Variants in ZMAT3 observed in about 807,000 individuals in gnomAD.
ZMAT3 encodes the protein zinc finger matrin-type 3, also known as zinc finger matrin-type protein 3.
Under a neutral mutation model 32.3 loss-of-function variants are expected in ZMAT3, and 17 were observed. That is an observed-to-expected ratio of 0.53 (90% confidence interval 0.36 to 0.79). ZMAT3 has a LOEUF of 0.79. ZMAT3 is among the 30% of genes least tolerant of loss of function. ZMAT3 has a pLI of 0.00. For synonymous variants in ZMAT3, 120 were observed against 133.1 expected, an observed-to-expected ratio of 0.90 and a Z score of 0.68; for missense variants, 329 against 359.7, an observed-to-expected ratio of 0.91 and a Z score of 0.69.
At chr3:179,028,267 A>G (rs1188054515) in intron 3 of ZMAT3, among the ~76,000 whole-genome samples, 1 of 152,208 alleles carries the variant, frequency 6.6e-6, no homozygotes, top group Non-Finnish European at 1.5e-5. Flanking sequence ...CCTGTCCACA[A>G]AGAGTCTACA....
chr3:179,065,902 T>A (rs1003100077), intron 2 of ZMAT3, among the ~76,000 whole-genome samples: 1 of 151,910 alleles, frequency 6.6e-6, no homozygotes, highest in Non-Finnish European at 1.5e-5. Flanking sequence ...CGAGACTCTG[T>A]CTCAAAAAAA....
At chr3:179,040,386 G>A (rs150049975) in intron 2 of ZMAT3, among the ~76,000 whole-genome samples, 6,903 of 152,224 alleles carry the variant, frequency 0.045, 200 homozygotes, top group South Asian at 0.082. Context: ...CGGATCTCTC[G>A]GCAGAAACCC....
At position 179,019,625 on chromosome 3, in the gene ZMAT3, A is replaced by G. The variant is rs1397390994; in HGVS notation, c.*5392T>C. 6.6e-6 allele frequency: 1 copy of G among 152,164 alleles called. No homozygotes were observed. Among genetic ancestry groups the G allele is most frequent in the Non-Finnish European group, 1.5e-5 (1 of 68,010 alleles). The allele number at this position is 152,164 out of a possible 1,614,324, so 9.4% of individuals were successfully genotyped here. On this transcript the variant is annotated 3_prime_UTR_variant, in exon 6 of 6. Transcript: ENST00000311417. Reference sequence around the variant, plus strand: ...AGGAACATGTTAACATTTCTATAATAAAATCAGTCTAGCAGGGCGTTTCTA... The same window carrying G: ...AGGAACATGTTAACATTTCTATAATGAAATCAGTCTAGCAGGGCGTTTCTA...
At chr3:179,038,605 A>C (rs1469425351) in intron 2 of ZMAT3, among the ~76,000 whole-genome samples, 1 of 152,168 alleles carries the variant, frequency 6.6e-6, no homozygotes, top group African/African-American at 2.4e-5. Context: ...CAAGATGGCC[A>C]AATAGGAACA....
rs567242140 is a variant in ZMAT3, at chr3:179,021,457, T to A, written c.*3560A>T. The A allele has an allele frequency of 6.6e-6, 1 of 152,244 alleles. No homozygotes were observed. The highest frequency in any genetic ancestry group is 1.9e-4 in the East Asian group (1 of 5,204). The allele number at this position is 152,244 out of a possible 1,614,324, so 9.4% of individuals were successfully genotyped here. On this transcript the variant is annotated 3_prime_UTR_variant, in exon 6 of 6. Coordinates refer to ENST00000311417, the MANE Select transcript of ZMAT3 (RefSeq NM_022470.4). ...GTCATCTTCTAACGTTGATTTTTTA[T>A]GACAACTTACACAAAGATATTATTC...
intron 5 of ZMAT3, among the ~76,000 whole-genome samples, chr3:179,025,849 G>T (rs1417015829): frequency 6.6e-6 from 1 of 152,190 alleles, no homozygotes; most frequent in Admixed American, 6.5e-5. Context: ...TCATACATAT[G>T]AAGAGACTAG....
chr3:179,060,913 G>A (rs1721122851), intron 2 of ZMAT3, among the ~76,000 whole-genome samples: 1 of 152,010 alleles, frequency 6.6e-6, no homozygotes, highest in South Asian at 2.1e-4. Context: ...GATAAAAACA[G>A]AAAATAGAGG....
chr3:179,067,505 T>C lies in ZMAT3; in HGVS notation c.248A>G (p.Gln83Arg), dbSNP rs1207040907. ...KLCNVTLNSAQQAQAHYQGKN... is the reference protein window; with the variant it reads ...KLCNVTLNSARQAQAHYQGKN... ...TACCTGATAATGAGCCTGGGCTTGC[T>C]GTGCAGAGTTCAAGGTGACATTGCA... is the stretch of plus-strand genomic sequence containing the variant. The change falls in exon 2 of 6, where the codon CAG becomes CGG. Residue 83 changes from glutamine to arginine, a missense_variant. Physicochemically the swap from Gln to Arg is conservative, Grantham distance 43. Transcript: ENST00000311417. 2.5e-6 allele frequency: 4 copies of C among 1,614,096 alleles called. No individual in the cohort carries two copies. The highest frequency in any genetic ancestry group is 2.2e-5 in the South Asian group (2 of 91,092).
chr3:179,069,250 A>T (rs1721584579), intron 1 of ZMAT3, among the ~76,000 whole-genome samples: 1 of 152,072 alleles, frequency 6.6e-6, no homozygotes, highest in Admixed American at 6.5e-5. Flanking sequence ...TTCTTAACAA[A>T]TAACTGATAG....
chr3:179,054,562 A>G (rs1030436524), intron 2 of ZMAT3, among the ~76,000 whole-genome samples: 1 of 152,236 alleles, frequency 6.6e-6, no homozygotes, highest in African/African-American at 2.4e-5. Flanking sequence ...TGTAACATTA[A>G]AATTTAAAAA....
At chr3:179,029,885 T>C (rs939997501) in intron 3 of ZMAT3, among the ~76,000 whole-genome samples, 2 of 152,218 alleles carry the variant, frequency 1.3e-5, no homozygotes, top group African/African-American at 2.4e-5. Context: ...TGCCCAAGTT[T>C]AGTGCATCCA....
chr3:179,031,325 A>C (rs1719179949), intron 2 of ZMAT3, among the ~76,000 whole-genome samples: 1 of 151,652 alleles, frequency 6.6e-6, no homozygotes, highest in Non-Finnish European at 1.5e-5. Flanking sequence ...CCTATGGATA[A>C]AAAAAAATGA....
At position 179,046,877 on chromosome 3, in the gene ZMAT3, A is replaced by G. The variant is rs1288722650; in HGVS notation, c.271-15878T>C. ...CCACCCAAGGAGAGACTGACCTCAG[A>G]CATGCCTAACCCTGCCCCAACCCGA... is the stretch of plus-strand genomic sequence containing the variant. On this transcript the variant is annotated intron_variant, in intron 2 of 5. Transcript: ENST00000311417. The surrounding 1 kb of genome is among the most constrained non-coding windows in gnomAD (Gnocchi z 4.3). Among the ~76,000 whole-genome samples, 1 of 152,150 alleles carries G rather than the reference A, an allele frequency of 6.6e-6. No individual in the cohort carries two copies. Among genetic ancestry groups the G allele is most frequent in the African/African-American group, 2.4e-5 (1 of 41,428 alleles).
intron 3 of ZMAT3, among the ~76,000 whole-genome samples, chr3:179,030,354 C>CTTT (rs1230618538): frequency 3.0e-5 from 4 of 132,058 alleles, no homozygotes; most frequent in Non-Finnish European, 3.3e-5. Context: ...CCCAGAATTT[C>CTTT]TTTTTTTTTT....
intron 2 of ZMAT3, among the ~76,000 whole-genome samples, chr3:179,032,526 T>C (rs1391779708): frequency 6.7e-6 from 1 of 149,026 alleles, no homozygotes; most frequent in Admixed American, 6.7e-5. Context: ...GGAGCGCCTC[T>C]TCCCGGCCAT....
rs1460917484 is a variant in ZMAT3 at position 179,023,077 on chromosome 3, A to T, written c.*1940T>A. ...ATACGGATGACCACTGGTCTTACCC[A>T]TATAAAATATAGTAAATAGATAAAA... On this transcript the variant is annotated 3_prime_UTR_variant, in exon 6 of 6. Transcript: ENST00000311417. The T allele has an allele frequency of 1.3e-5, 2 of 152,234 alleles. No homozygotes were observed. Among genetic ancestry groups the T allele is most frequent in the Non-Finnish European group, 2.9e-5 (2 of 68,050 alleles). 9.4% of individuals were successfully genotyped at this position (152,234 alleles called of 1,614,324 possible).
rs779318287 is a variant in ZMAT3 at position 179,027,661 on chromosome 3, T to C, written c.542A>G (p.Gln181Arg). ...HAKRLRLAEA[Q>R]SNSFSESSEL... is the part of the protein sequence containing the mutation. ...CAATACCTACGAGAATGAGTTACTC[T>C]GAGCTTCCGCCAGCCGCAGCCTCTT... The change falls in exon 4 of 6, where the codon CAG becomes CGG. Residue 181 changes from glutamine to arginine, a missense_variant. By Grantham distance (43) the Gln-to-Arg change is conservative. Coordinates refer to ENST00000311417, the MANE Select transcript of ZMAT3 (RefSeq NM_022470.4). 1.2e-6 allele frequency: 2 copies of C among 1,614,220 alleles called. No individual in the cohort carries two copies. The highest frequency in any genetic ancestry group is 2.7e-5 in the African/African-American group (2 of 75,056).
At chr3:179,035,805 T>C (rs1576846719) in intron 2 of ZMAT3, among the ~76,000 whole-genome samples, 1 of 152,282 alleles carries the variant, frequency 6.6e-6, no homozygotes, top group East Asian at 1.9e-4. Context: ...AGAGAAGGAA[T>C]TTCTTACTCC....
chr3:179,068,810 T>C (rs1721558701), intron 1 of ZMAT3, among the ~76,000 whole-genome samples: 1 of 152,264 alleles, frequency 6.6e-6, no homozygotes, highest in South Asian at 2.1e-4. Context: ...AGTTTTGTTT[T>C]CATTTTTTTA....
Sources: allele counts gnomAD v4.1 joint callset (sites outside exome capture counted in the v4.1 genomes callset), GRCh38; gene constraint gnomAD v4.1.1; non-coding constraint Gnocchi (gnomAD v3.1); transcripts MANE v1.5; gene names NCBI Gene and HGNC (gene_info 2026-07-23, HGNC 2026-07-21).